The following S100Z variants were observed in gnomAD, a reference collection of about 807,000 sequenced individuals.
S100Z encodes protein S100-Z.
Under a neutral mutation model 8.5 loss-of-function variants are expected in S100Z, and 11 were observed. That is an observed-to-expected ratio of 1.30 (90% CI 0.82 to 2.15). S100Z has a LOEUF of 2.15. S100Z is among the 30% of genes most tolerant of loss of function. The pLI is 0.00. For synonymous variants in S100Z, 34 were observed against 43.8 expected (o/e 0.78, Z 0.89); for missense variants, 126 against 117.9 (o/e 1.07, Z -0.32).
chr5:76,901,132 G>A (rs1000359168), intron 4 of S100Z, among the ~76,000 whole-genome samples: 1 of 151,666 alleles, frequency 6.6e-6, no homozygotes, highest in African/African-American at 2.4e-5. Flanking sequence ...AGTGACACAA[G>A]CACTCCTGTG....
At chr5:76,876,876 T>G (rs1170303396) in intron 3 of S100Z, among the ~76,000 whole-genome samples, 3 of 152,142 alleles carry the variant, frequency 2.0e-5, no homozygotes, top group Non-Finnish European at 4.4e-5. Flanking sequence ...TTGGAAACAC[T>G]CCTCATCAAC....
In S100Z at chr5:76,917,551, G is replaced by A. The variant is rs114503169; in HGVS notation, c.*3-3166G>A. ...TGGGTCAAAAATCAGAAATTGGCCTGGCACAGTGGTTCACACCTCTAATCC... is the reference window on the plus strand; with the variant it reads ...TGGGTCAAAAATCAGAAATTGGCCTAGCACAGTGGTTCACACCTCTAATCC... On this transcript the variant is annotated intron_variant, in intron 4 of 4. Coordinates refer to ENST00000317593, the MANE Select transcript of S100Z (RefSeq NM_130772.4). Among the ~76,000 whole-genome samples the A allele has an allele frequency of 6.8e-3, 1,041 of 152,274 alleles. 15 individuals are homozygous for A. The highest frequency in any genetic ancestry group is 0.024 in the African/African-American group (977 of 41,546).
At chr5:76,892,893 C>T (rs1376879824) in intron 4 of S100Z, among the ~76,000 whole-genome samples, 2 of 151,458 alleles carry the variant, frequency 1.3e-5, no homozygotes, top group East Asian at 1.9e-4. Context: ...GATGACTCTC[C>T]TCCTCTCTTT....
At chr5:76,878,849 G>A (rs1044752802) in intron 4 of S100Z, among the ~76,000 whole-genome samples, 1 of 152,158 alleles carries the variant, frequency 6.6e-6, no homozygotes, top group Non-Finnish European at 1.5e-5. Context: ...AAGTATTTTG[G>A]AGCTGGGACT....
chr5:76,926,995 A>G, the S100Z span, among the ~76,000 whole-genome samples: 1 of 152,142 alleles, frequency 6.6e-6, no homozygotes, highest in Non-Finnish European at 1.5e-5. Context: ...TTAACATTCA[A>G]TGGTTAGGGC....
the S100Z span, chr5:76,948,925 C>A: frequency 1.3e-5 from 2 of 152,110 alleles, no homozygotes; most frequent in East Asian, 3.8e-4. Context: ...GGAAATGACA[C>A]ATACTGGGGC....
chr5:76,890,319 C>A (rs1259436071), intron 4 of S100Z, among the ~76,000 whole-genome samples: 1 of 152,184 alleles, frequency 6.6e-6, no homozygotes, highest in African/African-American at 2.4e-5. Context: ...CCACTATGCC[C>A]AGCCTAAAAT....
rs965970839 is a variant in S100Z, at chr5:76,861,511, G to A, written c.-175-8655G>A. Among the ~76,000 whole-genome samples, 6 of 152,146 alleles carry A rather than the reference G, an allele frequency of 3.9e-5. 1 individual carries two copies. Among genetic ancestry groups the A allele is most frequent in the African/African-American group, 1.4e-4 (6 of 41,440 alleles). On this transcript the variant is annotated intron_variant, in intron 1 of 4. Transcript: ENST00000317593. ...CTGCCACCATGCCTAGCTAATTTTT[G>A]TATTTTTAGTAGAGACGGGGTTTCG...
At chr5:76,936,615 CTACA>C in the S100Z span, among the ~76,000 whole-genome samples, 135 of 60,486 alleles carry the variant, frequency 2.2e-3, 1 homozygote, top group Non-Finnish European at 3.6e-3. Context: ...ATTAAAGTTC[CTACA>C]CACACACACA....
the S100Z span, among the ~76,000 whole-genome samples, chr5:76,934,947 T>C: frequency 5.3e-5 from 8 of 152,212 alleles, no homozygotes; most frequent in African/African-American, 1.7e-4. Context: ...TATTTGCCCT[T>C]TGTGGCCCCA....
At chr5:76,905,121 A>G (rs1278754767) in intron 4 of S100Z, among the ~76,000 whole-genome samples, 1 of 152,070 alleles carries the variant, frequency 6.6e-6, no homozygotes, top group Non-Finnish European at 1.5e-5. Context: ...CACAGTATGA[A>G]CTCTTCAACA....
chr5:76,911,713 G>A (rs948884231), intron 4 of S100Z, among the ~76,000 whole-genome samples: 2 of 152,170 alleles, frequency 1.3e-5, no homozygotes, highest in African/African-American at 4.8e-5. Context: ...CTAATCAAGG[G>A]TACAAGGTGC....
chr5:76,938,043 G>C, the S100Z span, among the ~76,000 whole-genome samples: 2 of 151,410 alleles, frequency 1.3e-5, no homozygotes, highest in Non-Finnish European at 1.5e-5. Context: ...GCAGTGAGCC[G>C]AGATCGCGCC....
At chr5:76,939,988 C>G in the S100Z span, among the ~76,000 whole-genome samples, 1 of 151,698 alleles carries the variant, frequency 6.6e-6, no homozygotes, top group South Asian at 2.1e-4. Flanking sequence ...TGAAACCCAT[C>G]TCTACTAAAA....
At chr5:76,870,354 C>T (rs916487551) in intron 2 of S100Z, 70 bp downstream of exon 2, 14 of 152,188 alleles carry the variant, frequency 9.2e-5, no homozygotes, top group African/African-American at 2.7e-4. Context: ...GATGATGCCT[C>T]TGTAATCTAT....
At chr5:76,894,150 G>T (rs1743956330) in intron 4 of S100Z, among the ~76,000 whole-genome samples, 1 of 152,140 alleles carries the variant, frequency 6.6e-6, no homozygotes, top group African/African-American at 2.4e-5. Flanking sequence ...CTAGCTAAAA[G>T]CTTCATCTGC....
intron 1 of S100Z, among the ~76,000 whole-genome samples, chr5:76,863,645 T>A (rs1454514963): frequency 6.6e-6 from 1 of 151,994 alleles, no homozygotes; most frequent in African/African-American, 2.4e-5. Flanking sequence ...TTCACGCCAT[T>A]CTCCTGCCTC....
Position 76,908,013 on chromosome 5 carries a change from C to T in S100Z, c.*3-12704C>T, listed in dbSNP as rs917157841. ...AGATGTGGTGGCACCTGCCTGTAGT[C>T]CCAGCTACTCGGGAGGCTGAGGTGG... On this transcript the variant is annotated intron_variant, in intron 4 of 4. Transcript: ENST00000317593. 2.6e-5 allele frequency among the ~76,000 whole-genome samples: 4 copies of T among 152,066 alleles called. No homozygotes were observed. The South Asian group carries it at 6.2e-4, about 24-fold the overall frequency.
intron 1 of S100Z, among the ~76,000 whole-genome samples, chr5:76,854,542 C>T (rs1750826497): frequency 6.6e-6 from 1 of 152,176 alleles, no homozygotes; most frequent in African/African-American, 2.4e-5. Context: ...GAAGAAATTT[C>T]TAAGCAGCAA....
Sources: gnomAD v4.1 joint callset for allele counts (sites outside exome capture counted in the v4.1 genomes callset) on GRCh38, gnomAD v4.1.1 for gene constraint, MANE v1.5 for transcripts, NCBI Gene and HGNC (gene_info 2026-07-23, HGNC 2026-07-21) for gene names.